The following ACSL6 variants were observed in gnomAD, a reference collection of about 807,000 sequenced individuals.
The protein encoded by ACSL6 is long-chain-fatty-acid--CoA ligase 6.
A neutral mutation model predicts 98.2 loss-of-function variants in ACSL6; 47 were observed. The observed-to-expected ratio is 0.48, with a 90% CI of 0.38 to 0.61. ACSL6 has a LOEUF of 0.61. ACSL6 is among the 20% of genes least tolerant of loss of function. The pLI is 0.00. For synonymous variants in ACSL6, 362 were observed against 336.9 expected, an observed-to-expected ratio of 1.07 and a Z score of -0.82; for missense variants, 761 against 913.4, an observed-to-expected ratio of 0.83 and a Z score of 2.15.
chr5:131,994,431 C>T (rs1318911613), intron 1 of ACSL6, 180 bp from the exon 2 acceptor site: 9 of 600,224 alleles, frequency 1.5e-5, no homozygotes, highest in Middle Eastern at 4.4e-4. Flanking sequence ...AGGAAGAGGC[C>T]AGAACCTTCT....
chr5:131,988,260 T>C lies in ACSL6; in HGVS notation c.653-34A>G, dbSNP rs1580674787. On this transcript the variant is annotated intron_variant, in intron 6 of 20. Coordinates refer to ENST00000651883, the MANE Select transcript of ACSL6 (RefSeq NM_001009185.3). ...GGCCATCAAGGAGAGTCAGGCCATGTGGGCCCAGGTCATGAGTGCAGGCAG... is the reference window on the plus strand; with the variant it reads ...GGCCATCAAGGAGAGTCAGGCCATGCGGGCCCAGGTCATGAGTGCAGGCAG... 9 of 1,609,656 alleles carry C rather than the reference T, an allele frequency of 5.6e-6. No individual in the cohort carries two copies. In the East Asian group the frequency reaches 1.8e-4, roughly 32 times the overall value.
At chr5:132,011,934 G>A, upstream of ACSL6, 1 of 1,554,018 alleles carries the variant, frequency 6.4e-7, no homozygotes, top group African/African-American at 1.4e-5. This position sits in a 1 kb window ranked among gnomAD's most constrained non-coding sequence, Gnocchi z 5.4. Context: ...GCGGAAACCG[G>A]CTGGAAGGGG....
In ACSL6 at chr5:131,988,786, G is replaced by A. The variant is rs889129611; in HGVS notation, c.652+19C>T. On this transcript the variant is annotated intron_variant, in intron 6 of 20. Transcript: ENST00000651883. Reference sequence around the variant, plus strand: ...GGGGACCAGTTGCCAGTGGCAGGGTGGGGTGGCAGTGGGCTTACCTGTATT... The same window carrying A: ...GGGGACCAGTTGCCAGTGGCAGGGTAGGGTGGCAGTGGGCTTACCTGTATT... 10 of 1,610,908 alleles carry A rather than the reference G, an allele frequency of 6.2e-6. No individual in the cohort carries two copies. The highest frequency in any genetic ancestry group is 1.7e-5 in the Admixed American group (1 of 60,004).
chr5:131,964,067 T>C (rs1752877902), intron 17 of ACSL6, among the ~76,000 whole-genome samples: 1 of 152,234 alleles, frequency 6.6e-6, no homozygotes, highest in South Asian at 2.1e-4. Context: ...AAAGCACAAA[T>C]GTCTTTATAG....
intron 9 of ACSL6, among the ~76,000 whole-genome samples, chr5:131,979,989 G>A (rs1423517925): frequency 6.6e-6 from 1 of 152,218 alleles, no homozygotes; most frequent in Non-Finnish European, 1.5e-5. Flanking sequence ...TGGCTATTAT[G>A]TAGAAAGGCA....
In ACSL6 at chr5:131,994,133, C is replaced by A; in HGVS notation, c.168G>T (p.Val56=). 6.2e-7 allele frequency: 1 copy of A among 1,614,236 alleles called. No individual in the cohort carries two copies. Among genetic ancestry groups the A allele is most frequent in the South Asian group, 1.1e-5 (1 of 91,078 alleles). The change falls in exon 2 of 21, where the codon GTG becomes GTT. Residue 56 remains valine (V), a synonymous_variant. Coordinates refer to ENST00000651883, the MANE Select transcript of ACSL6 (RefSeq NM_001009185.3). ...GGATGGCAGCCAGGGCACCCATACT[C>A]ACGAGGGTGGTGGCCGAGAGGCTGC... ...FFRSLSATTL[V]SMGALAAILA... is the part of the protein sequence containing the mutation.
At position 131,966,414 on chromosome 5, in the gene ACSL6, A is replaced by G; in HGVS notation, c.1713+2T>C. On this transcript the variant is annotated splice_donor_variant, in intron 17 of 20. Coordinates refer to ENST00000651883, the MANE Select transcript of ACSL6 (RefSeq NM_001009185.3). LOFTEE classifies it high-confidence loss of function. ...GAGCTCCGTGGTTCCAAACATACAC[A>G]CCGGCAGCCATTTTCCGATGTCTCC... 1.2e-6 allele frequency: 2 copies of G among 1,613,900 alleles called. No individual in the cohort carries two copies. Among genetic ancestry groups the G allele is most frequent in the Non-Finnish European group, 1.7e-6 (2 of 1,179,974 alleles).
intron 14 of ACSL6, among the ~76,000 whole-genome samples, chr5:131,971,103 G>C: frequency 6.6e-6 from 1 of 152,200 alleles, no homozygotes; most frequent in East Asian, 1.9e-4. Context: ...TGAGCTGAAT[G>C]GAAAATGAAG....
chr5:131,978,470 G>C (rs1753736274), intron 9 of ACSL6, among the ~76,000 whole-genome samples: 1 of 152,134 alleles, frequency 6.6e-6, no homozygotes, highest in African/African-American at 2.4e-5. Flanking sequence ...TAGCAAGCTG[G>C]GGGAGAAGGA....
chr5:132,000,767 C>T (rs1384417557), intron 1 of ACSL6, among the ~76,000 whole-genome samples: 1 of 152,192 alleles, frequency 6.6e-6, no homozygotes, highest in East Asian at 1.9e-4. Context: ...CTGCACTGGG[C>T]CACTGTCCAC....
upstream of ACSL6, chr5:132,011,758 A>G (rs1755750513): frequency 2.3e-6 from 3 of 1,309,474 alleles, no homozygotes; most frequent in African/African-American, 3.1e-5. This position sits in a 1 kb window ranked among gnomAD's most constrained non-coding sequence, Gnocchi z 5.4. Context: ...CGCACTCGCA[A>G]CCGAGCCTTA....
intron 1 of ACSL6, among the ~76,000 whole-genome samples, chr5:132,008,049 C>A (rs1755507643): frequency 6.6e-6 from 1 of 152,158 alleles, no homozygotes; most frequent in Non-Finnish European, 1.5e-5. Context: ...ATGTTCTTAC[C>A]ATATAGGCTG....
At chr5:132,003,333 G>A (rs1469263648) in intron 1 of ACSL6, among the ~76,000 whole-genome samples, 3 of 152,168 alleles carry the variant, frequency 2.0e-5, no homozygotes, top group African/African-American at 7.2e-5. Context: ...CTCTCCCTCC[G>A]GCAGCAAGCG....
At chr5:131,970,857 C>T (rs1486659783) in intron 14 of ACSL6, among the ~76,000 whole-genome samples, 1 of 152,148 alleles carries the variant, frequency 6.6e-6, no homozygotes, top group African/African-American at 2.4e-5. Context: ...GCTCCATAAG[C>T]TATTCCCCTC....
At chr5:131,963,868 G>T (rs1441229642) in intron 17 of ACSL6, among the ~76,000 whole-genome samples, 1 of 152,132 alleles carries the variant, frequency 6.6e-6, no homozygotes, top group Non-Finnish European at 1.5e-5. Context: ...GGTCCTCATG[G>T]TCCATTAGCT....
At chr5:131,992,683 C>G (rs951519119) in intron 2 of ACSL6, among the ~76,000 whole-genome samples, 1 of 152,148 alleles carries the variant, frequency 6.6e-6, no homozygotes, top group Non-Finnish European at 1.5e-5. Flanking sequence ...TTACGCTTGC[C>G]CCTGTCACAC....
chr5:131,994,772 G>A (rs1272136849), intron 1 of ACSL6: 2 of 172,358 alleles, frequency 1.2e-5, no homozygotes, highest in Admixed American at 5.4e-5. Flanking sequence ...GAGTGAGAGC[G>A]AAGTGGGGGC....
chr5:131,986,378 A>T (rs1214823006), intron 8 of ACSL6, among the ~76,000 whole-genome samples: 1 of 152,218 alleles, frequency 6.6e-6, no homozygotes, highest in Non-Finnish European at 1.5e-5. Context: ...ACTGTGGCTC[A>T]ACCCCAGGAA....
rs1306769528 is a variant in ACSL6, at chr5:131,951,227, A to G, written c.*3007T>C. On this transcript the variant is annotated 3_prime_UTR_variant, in exon 21 of 21. Transcript: ENST00000651883. ...TTATCTGTTATACTTCTAGGCTTAA[A>G]TAGATCCAATGCCCAATATGAATGT... 1.4e-5 allele frequency: 3 copies of G among 212,392 alleles called. No homozygotes were observed. Among genetic ancestry groups the G allele is most frequent in the Non-Finnish European group, 2.9e-5 (3 of 104,988 alleles). The allele number at this position is 212,392 out of a possible 1,614,324, so 13.2% of individuals were successfully genotyped here.
Sources: gnomAD v4.1 joint callset for allele counts (sites outside exome capture counted in the v4.1 genomes callset) on GRCh38, gnomAD v4.1.1 for gene constraint, Gnocchi (gnomAD v3.1) non-coding constraint, MANE v1.5 for transcripts, NCBI Gene and HGNC (gene_info 2026-07-23, HGNC 2026-07-21) for gene names.